The following LATS2 variants were observed in gnomAD, a reference collection of about 807,000 sequenced individuals.
LATS2 encodes serine/threonine-protein kinase LATS2.
A neutral mutation model predicts 76.0 loss-of-function variants in LATS2; 24 were observed. That is an observed-to-expected ratio of 0.32 (90% CI 0.23 to 0.44). The LOEUF (loss-of-function observed/expected upper bound fraction) is 0.44. LATS2 is among the 20% of genes least tolerant of loss of function. LATS2 has a pLI of 1.00. For synonymous variants in LATS2, 692 were observed against 635.4 expected (o/e 1.09, Z -1.34); for missense variants, 1,286 against 1,481.2 (o/e 0.87, Z 2.16).
rs375002952 is a variant in LATS2, at chr13:21,010,866, T to A, written c.343-19462A>T. Reference sequence around the variant, plus strand: ...TCAGCAAACATCAACCAATCAGAACTAAGCAAGTTTGACTCCTTCATTTGC... The same window carrying A: ...TCAGCAAACATCAACCAATCAGAACAAAGCAAGTTTGACTCCTTCATTTGC... On this transcript the variant is annotated intron_variant, in intron 2 of 7. Transcript: ENST00000382592. Among the ~76,000 whole-genome samples the A allele has an allele frequency of 1.4e-3, 216 of 152,350 alleles. 1 individual carries two copies. The highest frequency in any genetic ancestry group is 4.6e-3 in the African/African-American group (192 of 41,592).
At chr13:20,998,857 G>C (rs2138313060) in intron 2 of LATS2, among the ~76,000 whole-genome samples, 1 of 151,960 alleles carries the variant, frequency 6.6e-6, no homozygotes, top group African/African-American at 2.4e-5. Context: ...GGGGCCCTGC[G>C]ACATTGTCCA....
At chr13:20,992,340 CTG>C (rs1376213224) in intron 2 of LATS2, among the ~76,000 whole-genome samples, 2 of 152,154 alleles carry the variant, frequency 1.3e-5, no homozygotes, top group Non-Finnish European at 2.9e-5. Flanking sequence ...AGCTTTCAAA[CTG>C]GGACATACGG....
At chr13:21,034,813 GTCA>G (rs1872642325) in intron 2 of LATS2, among the ~76,000 whole-genome samples, 1 of 152,130 alleles carries the variant, frequency 6.6e-6, no homozygotes, top group Admixed American at 6.6e-5. Flanking sequence ...GTACAGGAAA[GTCA>G]TCAAGAACTC....
chr13:21,044,005 G>A (rs573507530), intron 2 of LATS2, among the ~76,000 whole-genome samples: 2 of 152,326 alleles, frequency 1.3e-5, no homozygotes, highest in East Asian at 3.9e-4. Context: ...TACGTCAAGG[G>A]ATAATGCTTG....
At chr13:21,009,453 C>G (rs1056301829) in intron 2 of LATS2, among the ~76,000 whole-genome samples, 1 of 152,084 alleles carries the variant, frequency 6.6e-6, no homozygotes, top group African/African-American at 2.4e-5. Context: ...CTCTTTGGGC[C>G]CAGCAAGTCA....
intron 1 of LATS2, among the ~76,000 whole-genome samples, chr13:21,060,461 G>A (rs1460297141): frequency 6.6e-6 from 1 of 152,214 alleles, no homozygotes; most frequent in Non-Finnish European, 1.5e-5. Context: ...CCTGCGCCTC[G>A]GGCCGCGTCC....
At chr13:20,996,219 A>T (rs1350261618) in intron 2 of LATS2, among the ~76,000 whole-genome samples, 1 of 152,174 alleles carries the variant, frequency 6.6e-6, no homozygotes, top group African/African-American at 2.4e-5. Context: ...CTGCAAGAGT[A>T]AGATGACTCA....
intron 2 of LATS2, among the ~76,000 whole-genome samples, chr13:21,036,043 C>G (rs115140393): frequency 6.6e-6 from 1 of 152,100 alleles, no homozygotes; most frequent in Non-Finnish European, 1.5e-5. Flanking sequence ...GGACTACAAG[C>G]GTGTGACACC....
At chr13:21,046,671 C>G (rs917122700) in intron 1 of LATS2, among the ~76,000 whole-genome samples, 2 of 152,190 alleles carry the variant, frequency 1.3e-5, no homozygotes, top group Non-Finnish European at 2.9e-5. Flanking sequence ...ACCTCTCCCC[C>G]CTCACATGAG....
chr13:21,035,034 C>T (rs1872648866), intron 2 of LATS2, among the ~76,000 whole-genome samples: 1 of 151,238 alleles, frequency 6.6e-6, no homozygotes, highest in African/African-American at 2.4e-5. Context: ...AGTTTCAGAC[C>T]AGCCCGAGAA....
In LATS2 at chr13:20,988,122, C is replaced by T; in HGVS notation, c.1658G>A (p.Gly553Asp). Residue 553 changes from glycine to aspartate, a missense_variant, in exon 4 of 8, where the codon GGC becomes GAC. Around this residue, in one of 5 missense-constraint regions of LATS2, gnomAD observed 710 missense variants for 660.9 expected, o/e 1.07. Transcript: ENST00000382592. ...SLRAGPNEPEGGDKSRKSAKG... is the reference protein window; with the variant it reads ...SLRAGPNEPEDGDKSRKSAKG... ...GGCGCTTTTGCGGCTCTTGTCGCCGCCCTCGGGCTCGTTGGGGCCCGCACG... is the reference window on the plus strand; with the variant it reads ...GGCGCTTTTGCGGCTCTTGTCGCCGTCCTCGGGCTCGTTGGGGCCCGCACG... The T allele has an allele frequency of 6.2e-7, 1 of 1,614,248 alleles. No homozygotes were observed. The highest frequency in any genetic ancestry group is 8.5e-7 in the Non-Finnish European group (1 of 1,180,038).
chr13:21,057,287 G>A (rs1048992442), intron 1 of LATS2, among the ~76,000 whole-genome samples: 1 of 152,100 alleles, frequency 6.6e-6, no homozygotes, highest in African/African-American at 2.4e-5. Context: ...TTTTCTCCCA[G>A]AAAAATTCCC....
intron 2 of LATS2, among the ~76,000 whole-genome samples, chr13:21,020,305 C>T (rs1008885381): frequency 2.6e-5 from 4 of 152,220 alleles, no homozygotes; most frequent in South Asian, 4.1e-4. Flanking sequence ...AGAGCTTGCA[C>T]GAACAATTCT....
intron 4 of LATS2, among the ~76,000 whole-genome samples, chr13:20,986,040 G>A (rs1052465274): frequency 6.6e-6 from 1 of 152,204 alleles, no homozygotes; most frequent in Admixed American, 6.5e-5. Context: ...GCGAAACTCT[G>A]TCTCAAAAAG....
At chr13:21,020,803 C>G (rs1412216003) in intron 2 of LATS2, among the ~76,000 whole-genome samples, 1 of 152,218 alleles carries the variant, frequency 6.6e-6, no homozygotes, top group Non-Finnish European at 1.5e-5. Context: ...AAGCAGGCCT[C>G]TCTCCCAAAG....
intron 1 of LATS2, among the ~76,000 whole-genome samples, chr13:21,049,510 G>A (rs1456341786): frequency 5.3e-5 from 8 of 152,228 alleles, no homozygotes; most frequent in Admixed American, 6.5e-5. Flanking sequence ...TACCAGGTGA[G>A]TGGATGGCTG....
At chr13:21,043,218 A>T (rs1312038635) in intron 2 of LATS2, among the ~76,000 whole-genome samples, 1 of 151,796 alleles carries the variant, frequency 6.6e-6, no homozygotes, top group East Asian at 1.9e-4. Context: ...CGTGCCTGTA[A>T]TCGCAGCTAC....
rs530623192 is a variant in LATS2, at chr13:20,979,978, G to A, written c.2666-181C>T. ...ACTACTGGGTGGGGTGGTGGGGGGCGGTGGCCATGGCCGCTTAGGTTTTTG... is the reference window on the plus strand; with the variant it reads ...ACTACTGGGTGGGGTGGTGGGGGGCAGTGGCCATGGCCGCTTAGGTTTTTG... On this transcript the variant is annotated intron_variant, in intron 6 of 7. Coordinates refer to ENST00000382592, the MANE Select transcript of LATS2 (RefSeq NM_014572.3). Among the ~76,000 whole-genome samples, 535 of 152,254 alleles carry A rather than the reference G, an allele frequency of 3.5e-3. 7 individuals are homozygous for A. The highest frequency in any genetic ancestry group is 0.012 in the African/African-American group (497 of 41,524).
chr13:21,014,030 G>A (rs1871700196), intron 2 of LATS2, among the ~76,000 whole-genome samples: 1 of 151,710 alleles, frequency 6.6e-6, no homozygotes, highest in Admixed American at 6.6e-5. Flanking sequence ...GGAGGAAGAG[G>A]AGGAGGAGGA....
Sources: gnomAD v4.1 joint callset for allele counts (sites outside exome capture counted in the v4.1 genomes callset) on GRCh38, gnomAD v4.1.1 for gene constraint, gnomAD v4.1.1 regional missense constraint, MANE v1.5 for transcripts, NCBI Gene and HGNC (gene_info 2026-07-23, HGNC 2026-07-21) for gene names.